MAPRE2: variants seen among roughly 807,000 people sequenced by gnomAD.
MAPRE2 encodes the protein microtubule associated protein RP/EB family member 2.
A neutral mutation model predicts 43.2 loss-of-function variants in MAPRE2; 13 were observed. The ratio of observed to expected loss-of-function variants is 0.30; its 90% CI spans 0.20 to 0.48. The LOEUF (loss-of-function observed/expected upper bound fraction) is 0.48. MAPRE2 is among the 20% of genes least tolerant of loss of function. MAPRE2 has a pLI of 0.99. For synonymous variants in MAPRE2, 135 were observed against 148.8 expected (o/e 0.91, Z 0.68); for missense variants, 161 against 400.2 (o/e 0.40, Z 5.10).
At chr18:35,104,739 A>G (rs1291701719) in intron 4 of MAPRE2, among the ~76,000 whole-genome samples, 2 of 152,164 alleles carry the variant, frequency 1.3e-5, no homozygotes. Flanking sequence ...AACTTTTGTC[A>G]GCAGTTTTCA....
chr18:35,101,120 G>A (rs769404842), intron 3 of MAPRE2, among the ~76,000 whole-genome samples: 3 of 152,212 alleles, frequency 2.0e-5, no homozygotes, highest in African/African-American at 4.8e-5. Context: ...CCAGAGAGAC[G>A]TTTTGAGGAT....
At chr18:35,065,297 CA>C (rs1198027220) in intron 1 of MAPRE2, among the ~76,000 whole-genome samples, 68 of 84,626 alleles carry the variant, frequency 8.0e-4, no homozygotes, top group Admixed American at 1.3e-3. Context: ...GACTCTGTCT[CA>C]AAAAAAAAAA....
rs558021036 is a variant in MAPRE2, at chr18:35,085,387, G to A, written c.251-12059G>A. 2.5e-4 allele frequency among the ~76,000 whole-genome samples: 38 copies of A among 152,300 alleles called. 1 individual carries two copies. The highest frequency in any genetic ancestry group is 7.0e-4 in the African/African-American group (29 of 41,556). ...GCTGGGATGACTTTATGATTATTGC[G>A]TATGAACAATCTAATATGAAGGAGA... On this transcript the variant is annotated intron_variant, in intron 2 of 6. Coordinates refer to ENST00000300249, the MANE Select transcript of MAPRE2 (RefSeq NM_014268.4).
At chr18:34,980,477 C>G (rs937218188) in intron 1 of MAPRE2, among the ~76,000 whole-genome samples, 7 of 152,080 alleles carry the variant, frequency 4.6e-5, no homozygotes, top group African/African-American at 1.7e-4. Context: ...CTGTAGCCCC[C>G]AAAGCAGGGG....
intron 1 of MAPRE2, chr18:34,984,543 C>G (rs2150570638): frequency 6.6e-6 from 1 of 151,538 alleles, no homozygotes; most frequent in African/African-American, 2.4e-5. Context: ...TATTTAATCC[C>G]ATCCTAACAC....
At chr18:35,132,752 C>G (rs919573788) in intron 6 of MAPRE2, among the ~76,000 whole-genome samples, 1 of 152,184 alleles carries the variant, frequency 6.6e-6, no homozygotes, top group Non-Finnish European at 1.5e-5. Flanking sequence ...CTGCTATTCA[C>G]AAGTGCTGAT....
At chr18:35,075,072 T>TC (rs1331404020) in intron 2 of MAPRE2, among the ~76,000 whole-genome samples, 1 of 152,224 alleles carries the variant, frequency 6.6e-6, no homozygotes, top group Non-Finnish European at 1.5e-5. Flanking sequence ...TTGGATCAAG[T>TC]CACTGGTATT....
chr18:35,025,630 A>G (rs965234023), intron 2 of MAPRE2, among the ~76,000 whole-genome samples: 12 of 152,188 alleles, frequency 7.9e-5, no homozygotes, highest in African/African-American at 2.9e-4. Context: ...TAACATTTAC[A>G]TCATCAGAAT....
chr18:35,063,221 A>T (rs1906628883), intron 1 of MAPRE2, among the ~76,000 whole-genome samples: 1 of 152,004 alleles, frequency 6.6e-6, no homozygotes, highest in Non-Finnish European at 1.5e-5. Flanking sequence ...CTCCTGCCTC[A>T]GCCTCCTGAG....
Position 35,085,082 on chromosome 18 carries a change from C to T in MAPRE2, c.251-12364C>T, listed in dbSNP as rs1907809190. Among the ~76,000 whole-genome samples, 3 of 152,162 alleles carry T rather than the reference C, an allele frequency of 2.0e-5. No homozygotes were observed. In the South Asian group the frequency reaches 6.2e-4, roughly 31 times the overall value. ...GTTAGATTAGAATGATACAGTTGAA[C>T]TTTGGGATTTTAAATTCCTTTAAAA... On this transcript the variant is annotated intron_variant, in intron 2 of 6. Transcript: ENST00000300249.
chr18:35,094,109 A>C (rs1167997130), intron 2 of MAPRE2, among the ~76,000 whole-genome samples: 1 of 152,160 alleles, frequency 6.6e-6, no homozygotes, highest in East Asian at 1.9e-4. Flanking sequence ...AGCGACTTTG[A>C]ATGTTCTCAC....
chr18:35,119,043 A>G (rs1294824055), intron 4 of MAPRE2, among the ~76,000 whole-genome samples: 1 of 152,112 alleles, frequency 6.6e-6, no homozygotes, highest in Non-Finnish European at 1.5e-5. Flanking sequence ...GGAGTTTGTT[A>G]CAAGAGCTGT....
intron 1 of MAPRE2, among the ~76,000 whole-genome samples, chr18:35,052,396 A>G (rs1389318051): frequency 6.6e-6 from 1 of 152,230 alleles, no homozygotes. Flanking sequence ...ATGTCTCAGT[A>G]GTTCATCACT....
intron 4 of MAPRE2, among the ~76,000 whole-genome samples, chr18:35,124,213 A>G (rs1909809897): frequency 6.6e-6 from 1 of 152,132 alleles, no homozygotes; most frequent in South Asian, 2.1e-4. Flanking sequence ...GGAAGCAAAC[A>G]TGTCCCTCTT....
At chr18:35,063,399 G>A (rs761993649) in intron 1 of MAPRE2, among the ~76,000 whole-genome samples, 9 of 151,774 alleles carry the variant, frequency 5.9e-5, no homozygotes, top group Non-Finnish European at 1.2e-4. Flanking sequence ...GAGCCACTGC[G>A]CCCGGCCTCA....
chr18:35,095,171 C>T (rs1908342872), intron 2 of MAPRE2, among the ~76,000 whole-genome samples: 2 of 151,762 alleles, frequency 1.3e-5, no homozygotes, highest in Non-Finnish European at 2.9e-5. Context: ...CAGAAATATG[C>T]ATATTTATGT....
intron 2 of MAPRE2, among the ~76,000 whole-genome samples, chr18:35,019,349 T>C (rs906364019): frequency 6.6e-6 from 1 of 151,958 alleles, no homozygotes; most frequent in Non-Finnish European, 1.5e-5. Flanking sequence ...GGTCCAATTG[T>C]TGAATTTGAG....
intron 2 of MAPRE2, among the ~76,000 whole-genome samples, chr18:35,080,813 C>T (rs2680893): frequency 2.4e-5 from 2 of 83,188 alleles, no homozygotes; most frequent in Non-Finnish European, 4.0e-5. Flanking sequence ...TTTCAGATTG[C>T]GTTTTTTTTT....
intron 1 of MAPRE2, among the ~76,000 whole-genome samples, chr18:35,063,311 G>A (rs1027505344): frequency 1.3e-5 from 2 of 151,974 alleles, no homozygotes; most frequent in African/African-American, 2.4e-5. Flanking sequence ...GTTTCACCGT[G>A]TTAGCCAGGA....
Sources: gnomAD v4.1 joint callset for allele counts (sites outside exome capture counted in the v4.1 genomes callset) on GRCh38, gnomAD v4.1.1 for gene constraint, MANE v1.5 for transcripts, NCBI Gene and HGNC (gene_info 2026-07-23, HGNC 2026-07-21) for gene names.